The following AFTPH variants were observed in gnomAD, a reference collection of about 807,000 sequenced individuals.
AFTPH encodes aftiphilin protein.
In AFTPH, 7 loss-of-function variants were observed where a neutral mutation model predicts 72.5. The observed-to-expected ratio is 0.10, with a 90% CI of 0.05 to 0.18. The LOEUF is 0.18. Ranked by LOEUF, AFTPH falls within the 10% of genes least tolerant of loss-of-function variation. The pLI is 1.00. For synonymous variants in AFTPH, 337 were observed against 370.1 expected (o/e 0.91, Z 1.03); for missense variants, 979 against 1,060.5 (o/e 0.92, Z 1.07).
intron 6 of AFTPH, among the ~76,000 whole-genome samples, chr2:64,576,519 G>T (rs889493107): frequency 1.3e-5 from 2 of 152,082 alleles, no homozygotes; most frequent in African/African-American, 4.8e-5. Flanking sequence ...GATTGTGTGT[G>T]TGTTTTCATT....
At chr2:64,565,757 T>C (rs1300353714) in intron 2 of AFTPH, among the ~76,000 whole-genome samples, 3 of 152,234 alleles carry the variant, frequency 2.0e-5, no homozygotes, top group Non-Finnish European at 2.9e-5. Flanking sequence ...TCTCCTGCTC[T>C]ATCTTATTCA....
intron 8 of AFTPH, among the ~76,000 whole-genome samples, chr2:64,588,839 C>T (rs559204761): frequency 6.6e-6 from 1 of 152,312 alleles, no homozygotes; most frequent in East Asian, 1.9e-4. Context: ...CCCTCCTCAG[C>T]CTCCCAAAGT....
intron 1 of AFTPH, among the ~76,000 whole-genome samples, chr2:64,533,331 C>T (rs904780705): frequency 8.6e-5 from 13 of 151,916 alleles, no homozygotes; most frequent in African/African-American, 2.9e-4. Context: ...CTCAGGAGGT[C>T]GAGGCTGCAG....
chr2:64,589,127 G>A (rs1673674453), intron 8 of AFTPH, among the ~76,000 whole-genome samples: 1 of 152,022 alleles, frequency 6.6e-6, no homozygotes, highest in Non-Finnish European at 1.5e-5. Flanking sequence ...CCCAATTCAT[G>A]GTCACAAAGA....
At chr2:64,573,331 T>C (rs1672558676) in intron 6 of AFTPH, among the ~76,000 whole-genome samples, 1 of 151,892 alleles carries the variant, frequency 6.6e-6, no homozygotes, top group Admixed American at 6.6e-5. Context: ...AGTCTCTTTA[T>C]CTATAAATTG....
chr2:64,525,833 A>G (rs148571484), intron 1 of AFTPH, among the ~76,000 whole-genome samples: 1 of 152,356 alleles, frequency 6.6e-6, no homozygotes, highest in African/African-American at 2.4e-5. Flanking sequence ...TTGTTTAAAC[A>G]AAGTATCTGT....
At chr2:64,564,634 A>T (rs1403074740) in intron 2 of AFTPH, among the ~76,000 whole-genome samples, 1 of 145,612 alleles carries the variant, frequency 6.9e-6, no homozygotes, top group Admixed American at 6.8e-5. Flanking sequence ...AAAATAAAAA[A>T]TAAAATAAAT....
chr2:64,560,942 G>T (rs1040085505), intron 2 of AFTPH, among the ~76,000 whole-genome samples: 3 of 152,198 alleles, frequency 2.0e-5, no homozygotes, highest in Admixed American at 6.5e-5. Flanking sequence ...CCTAGTTCTG[G>T]CTCTTGTTAG....
At chr2:64,584,670 C>G (rs1299799537) in intron 7 of AFTPH, among the ~76,000 whole-genome samples, 1 of 144,340 alleles carries the variant, frequency 6.9e-6, no homozygotes, top group Non-Finnish European at 1.5e-5. Context: ...GATCTCGGCT[C>G]ACTGCAAGCT....
intron 2 of AFTPH, among the ~76,000 whole-genome samples, chr2:64,556,983 C>G (rs928168601): frequency 6.6e-6 from 1 of 152,192 alleles, no homozygotes; most frequent in Non-Finnish European, 1.5e-5. Flanking sequence ...GAGGTCTTCA[C>G]TTTTTGGCTA....
intron 2 of AFTPH, among the ~76,000 whole-genome samples, chr2:64,554,074 T>A (rs1452048155): frequency 6.6e-6 from 1 of 152,232 alleles, no homozygotes; most frequent in Non-Finnish European, 1.5e-5. Flanking sequence ...GAAATAACTA[T>A]AGGTTCACTT....
At chr2:64,567,700 T>C (rs779591612) in exon 3 of AFTPH, 6 of 1,611,876 alleles carry the variant, frequency 3.7e-6, no homozygotes, top group South Asian at 2.2e-5. Flanking sequence ...GAGAGAGGCC[T>C]TACCTGAAAG....
Position 64,573,087 on chromosome 2 carries a change from G to T in AFTPH, c.2394+19G>T. The T allele has an allele frequency of 6.3e-7, 1 of 1,595,182 alleles. No homozygotes were observed. The highest frequency in any genetic ancestry group is 8.6e-7 in the Non-Finnish European group (1 of 1,163,244). The stretch of plus-strand genomic sequence containing the variant: ...GTTCCAGGTAAAAATATCTATATGT[G>T]TATAAATATGTTTATGCGTGTATAT... On this transcript the variant is annotated intron_variant, in intron 6 of 8. Transcript: ENST00000238856.
At chr2:64,529,805 A>G (rs1669516034) in intron 1 of AFTPH, among the ~76,000 whole-genome samples, 1 of 151,888 alleles carries the variant, frequency 6.6e-6, no homozygotes, top group Non-Finnish European at 1.5e-5. Flanking sequence ...AATTGTTTTT[A>G]TTAGTAGTAG....
At chr2:64,550,303 G>A (rs1278800123) in intron 1 of AFTPH, among the ~76,000 whole-genome samples, 1 of 152,186 alleles carries the variant, frequency 6.6e-6, no homozygotes, top group African/African-American at 2.4e-5. Flanking sequence ...AGGAGGCTGA[G>A]GCAGGAGGAT....
intron 5 of AFTPH, among the ~76,000 whole-genome samples, chr2:64,572,028 C>G (rs564209687): frequency 3.7e-4 from 57 of 152,054 alleles, no homozygotes; most frequent in Admixed American, 9.2e-4. Flanking sequence ...CCAGCCTGGC[C>G]AATGTGGAGA....
chr2:64,592,011 C>T, exon 9 of AFTPH: 2 of 1,613,560 alleles, frequency 1.2e-6, no homozygotes, highest in Non-Finnish European at 8.5e-7. Flanking sequence ...CTTCCACAAG[C>T]TCTCAAGAAA....
intron 1 of AFTPH, among the ~76,000 whole-genome samples, chr2:64,540,320 T>A (rs981279916): frequency 4.6e-5 from 7 of 152,200 alleles, no homozygotes; most frequent in Non-Finnish European, 7.4e-5. Context: ...TATCAATAGT[T>A]ATCCAATGTT....
intron 2 of AFTPH, among the ~76,000 whole-genome samples, chr2:64,556,785 C>A (rs966000615): frequency 6.6e-6 from 1 of 152,154 alleles, no homozygotes; most frequent in Non-Finnish European, 1.5e-5. Flanking sequence ...TGGGTCCAGC[C>A]AGTCTCAGAG....
Sources: gnomAD v4.1 joint callset for allele counts (sites outside exome capture counted in the v4.1 genomes callset) on GRCh38, gnomAD v4.1.1 for gene constraint, MANE v1.5 for transcripts, NCBI Gene and HGNC (gene_info 2026-07-23, HGNC 2026-07-21) for gene names.